The following ENOX1 variants were observed in gnomAD, a reference collection of about 807,000 sequenced individuals.
ENOX1 encodes the protein ecto-NOX disulfide-thiol exchanger 1.
In ENOX1, 42 loss-of-function variants were observed where a neutral mutation model predicts 82.5. The ratio of observed to expected loss-of-function variants is 0.51; its 90% confidence interval spans 0.40 to 0.66. The LOEUF is 0.66. ENOX1 is among the 30% of genes least tolerant of loss of function. ENOX1 has a pLI of 0.00. For synonymous variants in ENOX1, 271 were observed against 282.2 expected (o/e 0.96, Z 0.40); for missense variants, 608 against 811.6 (o/e 0.75, Z 3.05).
intron 2 of ENOX1, among the ~76,000 whole-genome samples, chr13:43,510,287 C>A (rs963175926): frequency 6.6e-6 from 1 of 152,066 alleles, no homozygotes. Flanking sequence ...TGCATTCATA[C>A]AGAGTGATGG....
intron 11 of ENOX1, among the ~76,000 whole-genome samples, chr13:43,306,423 A>G (rs1242462101): frequency 6.6e-6 from 1 of 152,318 alleles, no homozygotes; most frequent in African/African-American, 2.4e-5. Flanking sequence ...TTTAAAAAAA[A>G]TCTTCTAAAG....
intron 14 of ENOX1, among the ~76,000 whole-genome samples, chr13:43,247,955 G>A (rs1345920335): frequency 6.3e-5 from 8 of 126,078 alleles, no homozygotes; most frequent in Admixed American, 2.5e-4. Flanking sequence ...GCGGGATCTC[G>A]GCTCACTGCA....
intron 5 of ENOX1, among the ~76,000 whole-genome samples, chr13:43,381,511 C>A: frequency 6.7e-6 from 1 of 148,262 alleles, no homozygotes; most frequent in Non-Finnish European, 1.5e-5. Context: ...CAAATTGAGC[C>A]TGAAATAAGC....
intron 2 of ENOX1, among the ~76,000 whole-genome samples, chr13:43,529,949 C>G (rs1008196499): frequency 2.6e-5 from 4 of 152,108 alleles, no homozygotes; most frequent in Non-Finnish European, 5.9e-5. Flanking sequence ...ACTAACCTGT[C>G]CAATCCAGGT....
chr13:43,244,469 T>G (rs1172033691), intron 14 of ENOX1, among the ~76,000 whole-genome samples: 4 of 152,198 alleles, frequency 2.6e-5, no homozygotes, highest in African/African-American at 4.8e-5. Flanking sequence ...TCAAAAATAG[T>G]GGATATTTTC....
chr13:43,678,284 TA>T (rs1225569610), intron 1 of ENOX1, among the ~76,000 whole-genome samples: 2 of 152,176 alleles, frequency 1.3e-5, no homozygotes, highest in Non-Finnish European at 2.9e-5. Flanking sequence ...ATTCCTCAAA[TA>T]TAAAAAATAT....
chr13:43,524,500 C>A (rs9594968), intron 2 of ENOX1, among the ~76,000 whole-genome samples: 2 of 152,016 alleles, frequency 1.3e-5, no homozygotes, highest in African/African-American at 2.4e-5. Flanking sequence ...TCACGCCCTC[C>A]ACCCTGGCCA....
chr13:43,651,706 A>AAAAAAAAAAAAAAAAAAT (rs2084182740), intron 2 of ENOX1, among the ~76,000 whole-genome samples: 1 of 144,986 alleles, frequency 6.9e-6, no homozygotes, highest in Admixed American at 6.9e-5. Context: ...AAAAAAAAAA[A>AAAAAAAAAAAAAAAAAAT]TCACACCTAT....
At chr13:43,704,065 G>A (rs972246922) in intron 1 of ENOX1, among the ~76,000 whole-genome samples, 10 of 151,742 alleles carry the variant, frequency 6.6e-5, no homozygotes, top group Admixed American at 5.9e-4. Flanking sequence ...TTAAGACACC[G>A]ATAGAGAAAA....
At chr13:43,469,526 T>G (rs1004686243) in intron 3 of ENOX1, among the ~76,000 whole-genome samples, 1 of 151,506 alleles carries the variant, frequency 6.6e-6, no homozygotes, top group East Asian at 1.9e-4. Flanking sequence ...AAATTCTATC[T>G]GAAATATTTA....
At chr13:43,257,874 T>C (rs1025705425) in intron 14 of ENOX1, among the ~76,000 whole-genome samples, 1 of 152,256 alleles carries the variant, frequency 6.6e-6, no homozygotes, top group Non-Finnish European at 1.5e-5. Context: ...TCCATGTCCA[T>C]GTCAGACCAT....
At chr13:43,465,441 T>C (rs2057675526) in intron 3 of ENOX1, among the ~76,000 whole-genome samples, 1 of 152,188 alleles carries the variant, frequency 6.6e-6, no homozygotes, top group South Asian at 2.1e-4. Context: ...TTTTTGTTTT[T>C]TGAGCACTTA....
chr13:43,396,471 C>A (rs1321908356), intron 5 of ENOX1, among the ~76,000 whole-genome samples: 1 of 152,184 alleles, frequency 6.6e-6, no homozygotes, highest in African/African-American at 2.4e-5. Flanking sequence ...CCTCCGCCTT[C>A]CGGGTTCAAG....
chr13:43,343,710 C>G (rs2049199416), intron 9 of ENOX1, among the ~76,000 whole-genome samples: 1 of 152,144 alleles, frequency 6.6e-6, no homozygotes, highest in African/African-American at 2.4e-5. Context: ...CCATATGTCA[C>G]TACCACATAG....
intron 1 of ENOX1, among the ~76,000 whole-genome samples, chr13:43,740,046 G>A (rs2089825678): frequency 1.3e-5 from 2 of 151,338 alleles, no homozygotes; most frequent in South Asian, 4.1e-4. Flanking sequence ...GTTATGTGCA[G>A]CTTTTCAACT....
intron 2 of ENOX1, among the ~76,000 whole-genome samples, chr13:43,517,395 A>G (rs895611797): frequency 6.6e-6 from 1 of 152,080 alleles, no homozygotes; most frequent in African/African-American, 2.4e-5. Context: ...CTATTTGGGA[A>G]GCTGAGGCAG....
intron 2 of ENOX1, among the ~76,000 whole-genome samples, chr13:43,591,938 AGG>A (rs1475976789): frequency 6.6e-6 from 1 of 152,022 alleles, no homozygotes; most frequent in Non-Finnish European, 1.5e-5. Context: ...GCCCTGTGCC[AGG>A]GGACACCTTC....
At chr13:43,215,973 G>A (rs2041455268) in intron 16 of ENOX1, among the ~76,000 whole-genome samples, 1 of 152,162 alleles carries the variant, frequency 6.6e-6, no homozygotes, top group Non-Finnish European at 1.5e-5. Flanking sequence ...GAGGTGGGTG[G>A]ATCATGAGGT....
intron 2 of ENOX1, among the ~76,000 whole-genome samples, chr13:43,618,450 T>A (rs2082578674): frequency 6.6e-6 from 1 of 152,214 alleles, no homozygotes; most frequent in Non-Finnish European, 1.5e-5. Context: ...TTCATTCTCC[T>A]ACATGTGGCT....
Sources: gnomAD v4.1 joint callset for allele counts (sites outside exome capture counted in the v4.1 genomes callset) on GRCh38, gnomAD v4.1.1 for gene constraint, MANE v1.5 for transcripts, NCBI Gene and HGNC (gene_info 2026-07-23, HGNC 2026-07-21) for gene names.